The following SIK2 variants were observed in gnomAD, a reference collection of about 807,000 sequenced individuals.
The protein encoded by SIK2 is salt inducible kinase 2.
A neutral mutation model predicts 103.2 loss-of-function variants in SIK2; 29 were observed. That is an observed-to-expected ratio of 0.28 (90% CI 0.21 to 0.38). SIK2 has a LOEUF of 0.38. Among genes scored for constraint, SIK2 ranks in the 10% least tolerant of loss-of-function variants. The probability of loss-of-function intolerance (pLI) is 1.00; values close to 1 mark genes in which losing one functional copy is unlikely to be tolerated. For synonymous variants in SIK2, 412 were observed against 446.1 expected, an observed-to-expected ratio of 0.92 and a Z score of 0.96; for missense variants, 879 against 1,171.0, an observed-to-expected ratio of 0.75 and a Z score of 3.64.
chr11:111,614,999 CGTG>C (rs1307507388), intron 1 of SIK2, among the ~76,000 whole-genome samples: 1 of 151,812 alleles, frequency 6.6e-6, no homozygotes, highest in Non-Finnish European at 1.5e-5. Flanking sequence ...ATTAGCCAGA[CGTG>C]GTGGCACACA....
intron 3 of SIK2, among the ~76,000 whole-genome samples, chr11:111,662,405 A>G (rs1406842529): frequency 6.6e-6 from 1 of 152,246 alleles, no homozygotes; most frequent in Admixed American, 6.5e-5. Context: ...AGTAAAACAG[A>G]CACATATATA....
In SIK2 at chr11:111,700,089, G is replaced by A. The variant is rs138771143; in HGVS notation, c.479-797G>A. On this transcript the variant is annotated intron_variant, in intron 4 of 14. Transcript: ENST00000304987. ...TGAGACTATAAAGGCTTAGCAAAAG[G>A]GTATGAACTTGCATTTGTAACAATA... 5.9e-3 allele frequency among the ~76,000 whole-genome samples: 894 copies of A among 152,258 alleles called. 12 individuals are homozygous for A. The highest frequency in any genetic ancestry group is 0.021 in the African/African-American group (854 of 41,542).
Position 111,703,216 on chromosome 11 carries a change from T to G in SIK2, c.741T>G (p.Leu247=). The change falls in exon 7 of 15, where the codon CTT becomes CTG. Residue 247 remains leucine, a synonymous_variant. Transcript: ENST00000304987. ...PYFMSEDCEH[L]IRRMLVLDPS... ...TGTTTTCTATAGATTGCGAGCACCT[T>G]ATCCGAAGGATGTTGGTCCTAGACC... 6.2e-7 allele frequency: 1 copy of G among 1,614,134 alleles called. No individual in the cohort carries two copies. The highest frequency in any genetic ancestry group is 8.5e-7 in the Non-Finnish European group (1 of 1,180,010).
chr11:111,694,334 A>AT (rs1943020660), intron 4 of SIK2, among the ~76,000 whole-genome samples: 1 of 152,114 alleles, frequency 6.6e-6, no homozygotes, highest in African/African-American at 2.4e-5. Flanking sequence ...ATGCAACTTA[A>AT]TTTTTTGCTG....
At chr11:111,677,428 T>G (rs1317355453) in intron 3 of SIK2, among the ~76,000 whole-genome samples, 1 of 151,904 alleles carries the variant, frequency 6.6e-6, no homozygotes, top group Non-Finnish European at 1.5e-5. Context: ...TGTTTTTTGT[T>G]TTTTTTGGAG....
At chr11:111,721,195 T>C in intron 12 of SIK2, 133 bp downstream of exon 12, 1 of 1,129,800 alleles carries the variant, frequency 8.9e-7, no homozygotes, top group Non-Finnish European at 1.2e-6. Flanking sequence ...AACCCACAGC[T>C]TCTTTGCCTT....
rs970551774 is a variant in SIK2 at position 111,724,264 on chromosome 11, C to CA, written c.*136dup. ...AGAAATCGAGCCACCCAACTGGAAT[C>CA]AGAGGGTCTGGCTGGGGTGGATGTT... is the stretch of plus-strand genomic sequence containing the variant. On this transcript the variant is annotated 3_prime_UTR_variant, in exon 15 of 15. Coordinates refer to ENST00000304987, the MANE Select transcript of SIK2 (RefSeq NM_015191.3). 122 of 1,281,868 alleles carry CA rather than the reference C, an allele frequency of 9.5e-5. No homozygotes were observed. The highest frequency in any genetic ancestry group is 1.2e-4 in the Non-Finnish European group (117 of 956,416). 79.4% of individuals were successfully genotyped at this position (1,281,868 alleles called of 1,614,324 possible). A position where few individuals can be genotyped will look rare whatever the true frequency, so the allele number is the denominator to read the frequency against.
intron 3 of SIK2, among the ~76,000 whole-genome samples, chr11:111,632,259 A>G (rs148684154): frequency 1.2e-3 from 182 of 152,276 alleles, no homozygotes; most frequent in African/African-American, 3.9e-3. Flanking sequence ...TCTTAGTAGT[A>G]AATTCTAGAA....
At position 111,727,602 on chromosome 11, in the gene SIK2, G is replaced by A. The variant is rs964715055; in HGVS notation, c.*3473G>A. 6.4e-6 allele frequency: 1 copy of A among 156,658 alleles called. No individual in the cohort carries two copies. The highest frequency in any genetic ancestry group is 1.4e-5 in the Non-Finnish European group (1 of 70,514). The allele number at this position is 156,658 out of a possible 1,614,324, so 9.7% of individuals were successfully genotyped here. A position where few individuals can be genotyped will look rare whatever the true frequency, so the allele number is the denominator to read the frequency against. The stretch of plus-strand genomic sequence containing the variant: ...GTGGACCAAAGTCTCCAGCAGAAGA[G>A]ACTCATCATAAGACTGACGACTCCC... On this transcript the variant is annotated 3_prime_UTR_variant, in exon 15 of 15. Transcript: ENST00000304987.
At chr11:111,666,754 G>A (rs1212561728) in intron 3 of SIK2, among the ~76,000 whole-genome samples, 1 of 152,056 alleles carries the variant, frequency 6.6e-6, no homozygotes, top group African/African-American at 2.4e-5. Flanking sequence ...CATTTATGAT[G>A]TCATATCAGG....
chr11:111,649,701 C>T (rs9783323), intron 3 of SIK2, among the ~76,000 whole-genome samples: 4,256 of 152,090 alleles, frequency 0.028, 188 homozygotes, highest in African/African-American at 0.096. Flanking sequence ...ACATACAATG[C>T]AGATGTAAGT....
intron 3 of SIK2, among the ~76,000 whole-genome samples, chr11:111,629,385 A>G (rs1942008417): frequency 6.6e-6 from 1 of 152,218 alleles, no homozygotes; most frequent in African/African-American, 2.4e-5. Flanking sequence ...ATTATACTTT[A>G]GCACCTGTCA....
At chr11:111,672,460 A>T (rs1008567490) in intron 3 of SIK2, 2 of 263,792 alleles carry the variant, frequency 7.6e-6, no homozygotes, top group Admixed American at 1.1e-4. Flanking sequence ...CAGAGAAGCT[A>T]CTTCTAGATT....
At chr11:111,631,089 G>C (rs1942031209) in intron 3 of SIK2, among the ~76,000 whole-genome samples, 1 of 152,090 alleles carries the variant, frequency 6.6e-6, no homozygotes, top group Non-Finnish European at 1.5e-5. Flanking sequence ...TAGAAGAGAG[G>C]AATTCCTCCT....
intron 3 of SIK2, among the ~76,000 whole-genome samples, chr11:111,640,468 A>G (rs1027995642): frequency 2.0e-5 from 3 of 152,186 alleles, no homozygotes; most frequent in Non-Finnish European, 4.4e-5. Flanking sequence ...AAATGTAAAC[A>G]TAAAATAACA....
At chr11:111,610,419 A>C (rs1941706619) in intron 1 of SIK2, among the ~76,000 whole-genome samples, 1 of 151,310 alleles carries the variant, frequency 6.6e-6, no homozygotes, top group Non-Finnish European at 1.5e-5. Flanking sequence ...TGAACCCTGG[A>C]GGCAGAGGTT....
Position 111,688,191 on chromosome 11 carries a change from G to A in SIK2, c.478+29G>A. On this transcript the variant is annotated intron_variant, in intron 4 of 14. Transcript: ENST00000304987. The surrounding 1 kb of genome is among the most constrained non-coding windows in gnomAD (Gnocchi z 4.2). The stretch of plus-strand genomic sequence containing the variant: ...ACTGGGACACAACTGGCTCTAATAA[G>A]ATCCGAAGTGAGCCACTGCACTCAG... The A allele has an allele frequency of 6.2e-7, 1 of 1,612,662 alleles. No individual in the cohort carries two copies. Among genetic ancestry groups the A allele is most frequent in the Non-Finnish European group, 8.5e-7 (1 of 1,178,980 alleles).
intron 3 of SIK2, among the ~76,000 whole-genome samples, chr11:111,655,263 A>T (rs1942377091): frequency 6.6e-6 from 1 of 152,082 alleles, no homozygotes; most frequent in African/African-American, 2.4e-5. Context: ...TTAGCCGGGC[A>T]TGGTGCTGCA....
At chr11:111,677,575 G>C (rs2135885327) in intron 3 of SIK2, among the ~76,000 whole-genome samples, 2 of 141,232 alleles carry the variant, frequency 1.4e-5, no homozygotes, top group African/African-American at 5.2e-5. Context: ...GTGCCACAAT[G>C]CCCAGCTAAA....
Sources: allele counts gnomAD v4.1 joint callset (sites outside exome capture counted in the v4.1 genomes callset), GRCh38; gene constraint gnomAD v4.1.1; non-coding constraint Gnocchi (gnomAD v3.1); transcripts MANE v1.5; gene names NCBI Gene and HGNC (gene_info 2026-07-23, HGNC 2026-07-21).